RHEX: variants seen among roughly 807,000 people sequenced by gnomAD.
RHEX encodes the protein regulator of hemoglobinization and erythroid cell expansion protein.
Under a neutral mutation model 20.1 loss-of-function variants are expected in RHEX, and 18 were observed. The ratio of observed to expected loss-of-function variants is 0.90; its 90% confidence interval spans 0.62 to 1.33. RHEX has a LOEUF of 1.33. Among genes scored for constraint, RHEX ranks in the 40% most tolerant of loss-of-function variants. The pLI is 0.00. For missense variants in RHEX, 192 were observed against 214.3 expected (o/e 0.90, Z 0.65); for synonymous variants, 87 against 77.1 (o/e 1.13, Z -0.67).
chr1:206,086,863 C>T (rs998200020), intron 1 of RHEX, among the ~76,000 whole-genome samples: 14 of 151,418 alleles, frequency 9.2e-5, no homozygotes, highest in Admixed American at 3.9e-4. Flanking sequence ...AAAAATTAGC[C>T]AGGCATGGTG....
chr1:206,071,859 C>CA (rs1245558004), intron 1 of RHEX, among the ~76,000 whole-genome samples: 1,780 of 47,034 alleles, frequency 0.038, 33 homozygotes, highest in African/African-American at 0.11. Flanking sequence ...TCCAACAACT[C>CA]AAAAAAAAAA....
chr1:206,085,994 T>C (rs1558176936), intron 1 of RHEX, among the ~76,000 whole-genome samples: 2 of 152,130 alleles, frequency 1.3e-5, no homozygotes, highest in Non-Finnish European at 2.9e-5. Context: ...TTCTCTGATA[T>C]GAGAATGAAG....
At chr1:206,086,421 C>T (rs914412171) in intron 1 of RHEX, among the ~76,000 whole-genome samples, 1 of 152,060 alleles carries the variant, frequency 6.6e-6, no homozygotes, top group Non-Finnish European at 1.5e-5. Flanking sequence ...GAGCTCAAGC[C>T]AACCTCCCAC....
intron 1 of RHEX, among the ~76,000 whole-genome samples, chr1:206,095,797 C>G (rs1183281781): frequency 6.6e-6 from 1 of 151,196 alleles, no homozygotes; most frequent in East Asian, 1.9e-4. Context: ...GCCTGGGCAA[C>G]AAGGCAAAAC....
chr1:206,072,673 C>T (rs1553284795), intron 1 of RHEX, among the ~76,000 whole-genome samples: 2 of 152,140 alleles, frequency 1.3e-5, no homozygotes, highest in South Asian at 2.1e-4. Flanking sequence ...ATATTAAAAA[C>T]TCAATTTACT....
intron 1 of RHEX, among the ~76,000 whole-genome samples, chr1:206,073,081 A>G (rs1571860682): frequency 6.6e-6 from 1 of 151,800 alleles, no homozygotes; most frequent in African/African-American, 2.4e-5. Flanking sequence ...CAAGCAATCC[A>G]CCTACCTTGG....
intron 1 of RHEX, among the ~76,000 whole-genome samples, chr1:206,096,765 GTT>G (rs60225298): frequency 8.1e-6 from 1 of 123,224 alleles, no homozygotes; most frequent in Non-Finnish European, 1.7e-5. Context: ...CAAGTCCCCT[GTT>G]TTTTTTTTTT....
intron 1 of RHEX, among the ~76,000 whole-genome samples, chr1:206,085,008 C>G (rs1282099804): frequency 1.3e-5 from 2 of 152,154 alleles, no homozygotes; most frequent in Non-Finnish European, 2.9e-5. Context: ...TGGTCTAACT[C>G]TTCTGTGCTA....
At position 206,102,026 on chromosome 1, in the gene RHEX, C is replaced by T. The variant is rs1663203985; in HGVS notation, c.*74C>T. 3 of 1,253,078 alleles carry T rather than the reference C, an allele frequency of 2.4e-6. No homozygotes were observed. Among genetic ancestry groups the T allele is most frequent in the African/African-American group, 1.5e-5 (1 of 67,302 alleles). The allele number at this position is 1,253,078 out of a possible 1,614,324, so 77.6% of individuals were successfully genotyped here. On this transcript the variant is annotated 3_prime_UTR_variant, in exon 6 of 6. Coordinates refer to ENST00000331555, the MANE Select transcript of RHEX (RefSeq NM_001007544.4). ...TAATTTGTAGGGAAATGCCATTTTT[C>T]CCCCTTAAACAAGGCATGGGGCTCA...
intron 1 of RHEX, chr1:206,060,331 T>C (rs1263991116): frequency 2.0e-5 from 3 of 152,242 alleles, no homozygotes; most frequent in Non-Finnish European, 2.9e-5. Context: ...GTAGAGCTCA[T>C]TTGCATAGGT....
chr1:206,096,158 T>G (rs1018051921), intron 1 of RHEX, among the ~76,000 whole-genome samples: 2 of 152,214 alleles, frequency 1.3e-5, no homozygotes, highest in Admixed American at 6.5e-5. Context: ...TAAAACGTGT[T>G]GCTCATTCAT....
At chr1:206,055,613 G>A (rs1662172750) in intron 1 of RHEX, among the ~76,000 whole-genome samples, 1 of 152,264 alleles carries the variant, frequency 6.6e-6, no homozygotes, top group Non-Finnish European at 1.5e-5. Flanking sequence ...AATAGCTACA[G>A]GATTTAAGTC....
intron 1 of RHEX, among the ~76,000 whole-genome samples, chr1:206,087,551 G>C (rs1662863876): frequency 6.6e-6 from 1 of 152,166 alleles, no homozygotes; most frequent in African/African-American, 2.4e-5. Flanking sequence ...ATGAACTCTT[G>C]AAAGTACAAA....
chr1:206,101,295 G>C, intron 5 of RHEX, 98 bp downstream of exon 5: 1 of 966,406 alleles, frequency 1.0e-6, no homozygotes, highest in Non-Finnish European at 1.6e-6. Context: ...TATGTAGTGG[G>C]AGCAAGAAAA....
intron 1 of RHEX, among the ~76,000 whole-genome samples, chr1:206,093,514 C>A (rs1663000532): frequency 6.6e-6 from 1 of 152,142 alleles, no homozygotes; most frequent in Non-Finnish European, 1.5e-5. Context: ...CATGATCCAC[C>A]CACCTCGGCC....
chr1:206,085,582 C>T (rs1482831893), intron 1 of RHEX, among the ~76,000 whole-genome samples: 2 of 152,120 alleles, frequency 1.3e-5, no homozygotes, highest in Non-Finnish European at 2.9e-5. Flanking sequence ...AAACTGCTTT[C>T]CCCAAAATTA....
At chr1:206,101,082 T>C in intron 4 of RHEX, 54 bp from the exon 5 acceptor site, 2 of 1,448,174 alleles carry the variant, frequency 1.4e-6, no homozygotes, top group South Asian at 2.4e-5. Flanking sequence ...CTCTATCCTC[T>C]CTTAACACCC....
At chr1:206,064,437 TG>T (rs1219946812) in intron 1 of RHEX, among the ~76,000 whole-genome samples, 10 of 40,290 alleles carry the variant, frequency 2.5e-4, no homozygotes, top group African/African-American at 1.1e-3. Context: ...GGGAGGGAGG[TG>T]GGGGGGTCAG....
intron 1 of RHEX, among the ~76,000 whole-genome samples, chr1:206,091,834 G>A (rs1249835738): frequency 1.3e-5 from 2 of 152,088 alleles, no homozygotes; most frequent in Non-Finnish European, 2.9e-5. Flanking sequence ...CTAACTTCTT[G>A]ATATTACCAT....
Sources: gnomAD v4.1 joint callset for allele counts (sites outside exome capture counted in the v4.1 genomes callset) on GRCh38, gnomAD v4.1.1 for gene constraint, MANE v1.5 for transcripts, NCBI Gene and HGNC (gene_info 2026-07-23, HGNC 2026-07-21) for gene names.